Variants in PCDHB15 observed in about 807,000 individuals in gnomAD.
PCDHB15 encodes the protein protocadherin beta-15.
For synonymous variants in PCDHB15, 492 were observed against 447.9 expected (o/e 1.10, Z -1.24); for missense variants, 1,032 against 991.7 (o/e 1.04, Z -0.55).
rs537385025 is a variant in PCDHB15, at chr5:141,248,308, T to G, written c.*366T>G. On this transcript the variant is annotated 3_prime_UTR_variant, in exon 1 of 1. Coordinates refer to ENST00000231173, the MANE Select transcript of PCDHB15 (RefSeq NM_018935.4). The stretch of plus-strand genomic sequence containing the variant: ...GTCATATTTTAAGTTTTTTTTATAG[T>G]TTTTCTTATTCACACAGCTTGACTT... The G allele has an allele frequency of 4.7e-5, 8 of 168,526 alleles. No individual in the cohort carries two copies. The East Asian group carries it at 1.3e-3, about 28-fold the overall frequency. 10.4% of individuals were successfully genotyped at this position (168,526 alleles called of 1,614,324 possible).
chr5:141,246,196 C>T lies in PCDHB15; in HGVS notation c.618C>T (p.Ala206=), dbSNP rs1554291860. ...CAGAACTGGATCGCGAGGAGCAGGC[C>T]GAGCTCAGATTAACCTTGACAGCGG... is the stretch of plus-strand genomic sequence containing the variant. ...LDTELDREEQ[A]ELRLTLTAVD... The change falls in exon 1 of 1, where the codon GCC becomes GCT. Residue 206 remains alanine, a synonymous_variant. Transcript: ENST00000231173. The T allele has an allele frequency of 5.0e-6, 8 of 1,614,178 alleles. No individual in the cohort carries two copies. The highest frequency in any genetic ancestry group is 6.8e-6 in the Non-Finnish European group (8 of 1,180,036).
Position 141,245,865 on chromosome 5 carries a change from G to A in PCDHB15, c.287G>A (p.Cys96Tyr). 1 of 1,614,190 alleles carries A rather than the reference G, an allele frequency of 6.2e-7. No homozygotes were observed. Among genetic ancestry groups the A allele is most frequent in the Non-Finnish European group, 8.5e-7 (1 of 1,180,036 alleles). Residue 96 changes from cysteine (C) to tyrosine (Y), a missense_variant, in exon 1 of 1, where the codon TGT (cysteine) becomes TAT (tyrosine). Cys to Tyr is a radical substitution (Grantham distance 194). Transcript: ENST00000231173. ...GAGAAGCTGGACCGGGAGAAGCTGT[G>A]TGGCCCTACTGAGCCCTGTATAATG... ...LNEKLDREKL[C>Y]GPTEPCIMHF...
chr5:141,246,632 C>T lies in PCDHB15; in HGVS notation c.1054C>T (p.Leu352Phe), dbSNP rs1444243301. Residue 352 changes from leucine (L) to phenylalanine (F), a missense_variant, in exon 1 of 1, where the codon CTT becomes TTT. Leu to Phe is a conservative substitution (Grantham distance 22). Transcript: ENST00000231173. Reference protein sequence around the residue: ...DNFPELSISSLTSPIPENSPE... With the variant: ...DNFPELSISSFTSPIPENSPE... ...CTTCCCGGAACTAAGTATTTCATCA[C>T]TTACCAGCCCTATTCCCGAGAATTC... is the stretch of plus-strand genomic sequence containing the variant. 1 of 1,614,064 alleles carries T rather than the reference C, an allele frequency of 6.2e-7. No individual in the cohort carries two copies. The highest frequency in any genetic ancestry group is 2.2e-5 in the East Asian group (1 of 44,896).
rs782404742 is a variant in PCDHB15, at chr5:141,247,216, G to C, written c.1638G>C (p.Leu546=). 6.2e-7 allele frequency: 1 copy of C among 1,612,154 alleles called. No homozygotes were observed. The highest frequency in any genetic ancestry group is 1.1e-5 in the South Asian group (1 of 90,978). ...RGFPALSSEA[L]VRVLVLDAND... is the part of the protein sequence containing the mutation. ...TCCCGGCGCTGAGCAGCGAGGCGCT[G>C]GTGCGAGTGCTGGTGCTGGACGCCA... is the stretch of plus-strand genomic sequence containing the variant. The change falls in exon 1 of 1, where the codon CTG becomes CTC. Residue 546 remains leucine (L), a synonymous_variant. Transcript: ENST00000231173.
chr5:141,245,469 A>T lies in PCDHB15; in HGVS notation c.-110A>T. ...TGTCTCCGGAGAATGCTATTCTCCT[A>T]CATTTCCGAACAGGTTATCAACGCA... is the stretch of plus-strand genomic sequence containing the variant. On this transcript the variant is annotated 5_prime_UTR_variant, in exon 1 of 1. Coordinates refer to ENST00000231173, the MANE Select transcript of PCDHB15 (RefSeq NM_018935.4). 1.1e-6 allele frequency: 1 copy of T among 894,444 alleles called. No homozygotes were observed. The highest frequency in any genetic ancestry group is 1.7e-6 in the Non-Finnish European group (1 of 587,294). 55.4% of individuals were successfully genotyped at this position (894,444 alleles called of 1,614,324 possible).
Position 141,246,920 on chromosome 5 carries a change from G to T in PCDHB15, c.1342G>T (p.Ala448Ser), listed in dbSNP as rs199965909. The T allele has an allele frequency of 5.0e-5, 80 of 1,613,326 alleles. No homozygotes were observed. In the Middle Eastern group the frequency reaches 7.1e-4, roughly 14 times the overall value. ...GCTGGTGTCGGACGTCAATGACAAC[G>T]CCCCCGCCTTCACCCAAACCTCCTA... ...TVLVSDVNDN[A>S]PAFTQTSYTL... Residue 448 changes from alanine to serine, a missense_variant, in exon 1 of 1, where the codon GCC (alanine) becomes TCC (serine). Transcript: ENST00000231173.
rs782734313 is a variant in PCDHB15, at chr5:141,247,786, G to T, written c.2208G>T (p.Leu736=). Residue 736 remains leucine, a synonymous_variant, in exon 1 of 1, where the codon CTG becomes CTT. Coordinates refer to ENST00000231173, the MANE Select transcript of PCDHB15 (RefSeq NM_018935.4). ...SVPEGPFPGH[L]VDVSGTGTLS... ...CCGAGGGCCCCTTTCCAGGGCATCT[G>T]GTGGACGTGAGCGGCACCGGGACCC... is the stretch of plus-strand genomic sequence containing the variant. The T allele has an allele frequency of 3.1e-6, 5 of 1,614,244 alleles. No homozygotes were observed. Among genetic ancestry groups the T allele is most frequent in the Middle Eastern group, 3.3e-4 (2 of 6,062 alleles).
Position 141,246,854 on chromosome 5 carries a change from T to G in PCDHB15, c.1276T>G (p.Leu426Val), listed in dbSNP as rs138986596. 6.2e-7 allele frequency: 1 copy of G among 1,614,082 alleles called. No homozygotes were observed. The highest frequency in any genetic ancestry group is 8.5e-7 in the Non-Finnish European group (1 of 1,180,024). Residue 426 changes from leucine to valine, a missense_variant, in exon 1 of 1, where the codon TTG (leucine) becomes GTG (valine). Coordinates refer to ENST00000231173, the MANE Select transcript of PCDHB15 (RefSeq NM_018935.4). Reference sequence around the variant, plus strand: ...CAACATCACCATCACCATCACAGACTTGGGGACTCCAAGGCTGAAAACCGA... The same window carrying G: ...CAACATCACCATCACCATCACAGACGTGGGGACTCCAAGGCTGAAAACCGA... ...EYNITITITD[L>V]GTPRLKTEQS...
chr5:141,248,291 T>A lies in PCDHB15; in HGVS notation c.*349T>A, dbSNP rs1755330246. The A allele has an allele frequency of 5.8e-6, 1 of 172,210 alleles. No individual in the cohort carries two copies. Among genetic ancestry groups the A allele is most frequent in the Admixed American group, 6.5e-5 (1 of 15,416 alleles). 10.7% of individuals were successfully genotyped at this position (172,210 alleles called of 1,614,324 possible). ...AATGTATGATTTTTGAAGTCATATT[T>A]TAAGTTTTTTTTATAGTTTTTCTTA... On this transcript the variant is annotated 3_prime_UTR_variant, in exon 1 of 1. Coordinates refer to ENST00000231173, the MANE Select transcript of PCDHB15 (RefSeq NM_018935.4).
At position 141,246,528 on chromosome 5, in the gene PCDHB15, T is replaced by C. The variant is rs1755266120; in HGVS notation, c.950T>C (p.Leu317Pro). ...TTTGAGACAATGTCTTCGTATGATC[T>C]AGATATAGAGGCATCTGATGGCGGG... ...LDFETMSSYD[L>P]DIEASDGGGL... Residue 317 changes from leucine to proline, a missense_variant, in exon 1 of 1, where the codon CTA becomes CCA. Coordinates refer to ENST00000231173, the MANE Select transcript of PCDHB15 (RefSeq NM_018935.4). 1 of 1,614,208 alleles carries C rather than the reference T, an allele frequency of 6.2e-7. No individual in the cohort carries two copies. Among genetic ancestry groups the C allele is most frequent in the Non-Finnish European group, 8.5e-7 (1 of 1,180,016 alleles).
In PCDHB15 at chr5:141,247,286, G is replaced by A; in HGVS notation, c.1708G>A (p.Ala570Thr). Residue 570 changes from alanine (A) to threonine (T), a missense_variant, in exon 1 of 1, where the codon GCG becomes ACG. By Grantham distance (58) the Ala-to-Thr change is moderately conservative. Coordinates refer to ENST00000231173, the MANE Select transcript of PCDHB15 (RefSeq NM_018935.4). Reference protein sequence around the residue: ...FVLYPLQNGSAPCTELVPRAA... With the variant: ...FVLYPLQNGSTPCTELVPRAA... ...GCTGTACCCGCTGCAGAACGGCTCC[G>A]CGCCCTGCACCGAGCTGGTGCCCCG... 3 of 1,609,978 alleles carry A rather than the reference G, an allele frequency of 1.9e-6. No individual in the cohort carries two copies. Among genetic ancestry groups the A allele is most frequent in the Admixed American group, 1.7e-5 (1 of 59,964 alleles).
chr5:141,247,418 C>T lies in PCDHB15; in HGVS notation c.1840C>T (p.Leu614=), dbSNP rs2149696062. The T allele has an allele frequency of 6.2e-7, 1 of 1,605,920 alleles. No homozygotes were observed. Among genetic ancestry groups the T allele is most frequent in the South Asian group, 1.1e-5 (1 of 90,922 alleles). ...GCTGCTCAAGGCCACGGAGCCCGGG[C>T]TGTTCGGCGTGTGGGCGCACAATGG... ...YQLLKATEPG[L]FGVWAHNGEV... The change falls in exon 1 of 1, where the codon CTG becomes TTG. Residue 614 remains leucine (L), a synonymous_variant. Transcript: ENST00000231173.
chr5:141,247,323 C>G lies in PCDHB15; in HGVS notation c.1745C>G (p.Pro582Arg). 3 of 1,607,706 alleles carry G rather than the reference C, an allele frequency of 1.9e-6. No homozygotes were observed. The highest frequency in any genetic ancestry group is 1.7e-6 in the Non-Finnish European group (2 of 1,178,524). The change falls in exon 1 of 1, where the codon CCG (proline) becomes CGG (arginine). Residue 582 changes from proline (P) to arginine (R), a missense_variant. Coordinates refer to ENST00000231173, the MANE Select transcript of PCDHB15 (RefSeq NM_018935.4). ...GAGCTGGTGCCCCGGGCGGCCGAGCCGGGCTACCTGGTGACCAAGGTGGTG... is the reference window on the plus strand; with the variant it reads ...GAGCTGGTGCCCCGGGCGGCCGAGCGGGGCTACCTGGTGACCAAGGTGGTG... Reference protein sequence around the residue: ...CTELVPRAAEPGYLVTKVVAV... With the variant: ...CTELVPRAAERGYLVTKVVAV...
rs962672803 is a variant in PCDHB15, at chr5:141,248,711, T to C, written c.*769T>C. The stretch of plus-strand genomic sequence containing the variant: ...GACCAAGTAATGCATCTCCTGCAAT[T>C]TCCTCTTTTCACAGCAGGAAAATCT... On this transcript the variant is annotated 3_prime_UTR_variant, in exon 1 of 1. Coordinates refer to ENST00000231173, the MANE Select transcript of PCDHB15 (RefSeq NM_018935.4). The C allele has an allele frequency of 6.6e-6, 1 of 152,162 alleles. No individual in the cohort carries two copies. Among genetic ancestry groups the C allele is most frequent in the African/African-American group, 2.4e-5 (1 of 41,430 alleles). The allele number at this position is 152,162 out of a possible 1,614,324, so 9.4% of individuals were successfully genotyped here.
chr5:141,246,780 A>G lies in PCDHB15; in HGVS notation c.1202A>G (p.Tyr401Cys), dbSNP rs1307378623. Residue 401 changes from tyrosine (Y) to cysteine (C), a missense_variant, in exon 1 of 1, where the codon TAC becomes TGC. Transcript: ENST00000231173. ...FKLKPSVENF[Y>C]RLVTEGALDR... is the part of the protein sequence containing the mutation. The stretch of plus-strand genomic sequence containing the variant: ...CTAAAACCTTCTGTTGAGAATTTCT[A>G]CAGGCTGGTAACAGAAGGGGCGCTG... 3 of 1,614,130 alleles carry G rather than the reference A, an allele frequency of 1.9e-6. No homozygotes were observed. The East Asian group carries it at 6.7e-5, about 36-fold the overall frequency.
Position 141,247,175 on chromosome 5 carries a change from G to C in PCDHB15, c.1597G>C (p.Ala533Pro). The change falls in exon 1 of 1, where the codon GCC (alanine) becomes CCC (proline). Residue 533 changes from alanine to proline, a missense_variant. Ala to Pro is a conservative substitution (Grantham distance 27, BLOSUM62 -1). Transcript: ENST00000231173. ...GCAGGCTTTCGAGTTCCGCGTGGGC[G>C]CCACAGACCGCGGCTTCCCGGCGCT... ...ALQAFEFRVG[A>P]TDRGFPALSS... is the part of the protein sequence containing the mutation. 2 of 1,613,248 alleles carry C rather than the reference G, an allele frequency of 1.2e-6. No individual in the cohort carries two copies. The highest frequency in any genetic ancestry group is 1.7e-6 in the Non-Finnish European group (2 of 1,179,822).
In PCDHB15 at chr5:141,247,169, G is replaced by T. The variant is rs1449129561; in HGVS notation, c.1591G>T (p.Val531Leu). The T allele has an allele frequency of 3.1e-6, 5 of 1,613,322 alleles. No homozygotes were observed. The highest frequency in any genetic ancestry group is 4.2e-6 in the Non-Finnish European group (5 of 1,179,844). ...GGCCCTGCAGGCTTTCGAGTTCCGC[G>T]TGGGCGCCACAGACCGCGGCTTCCC... is the stretch of plus-strand genomic sequence containing the variant. ...YEALQAFEFR[V>L]GATDRGFPAL... Residue 531 changes from valine to leucine, a missense_variant, in exon 1 of 1, where the codon GTG becomes TTG. Val to Leu is a conservative substitution (Grantham distance 32). Transcript: ENST00000231173.
At position 141,248,046 on chromosome 5, in the gene PCDHB15, A is replaced by T. The variant is rs1322163674; in HGVS notation, c.*104A>T. 6 of 1,072,074 alleles carry T rather than the reference A, an allele frequency of 5.6e-6. No individual in the cohort carries two copies. The highest frequency in any genetic ancestry group is 3.2e-5 in the Admixed American group (1 of 31,626). The allele number at this position is 1,072,074 out of a possible 1,614,324, so 66.4% of individuals were successfully genotyped here. ...GTAATCTTGAATTCTACTTTTTTTTAAATTTCTACTGTTGTCTTTAGTAAT... is the reference window on the plus strand; with the variant it reads ...GTAATCTTGAATTCTACTTTTTTTTTAATTTCTACTGTTGTCTTTAGTAAT... On this transcript the variant is annotated 3_prime_UTR_variant, in exon 1 of 1. Transcript: ENST00000231173.
chr5:141,247,282 C>T lies in PCDHB15; in HGVS notation c.1704C>T (p.Gly568=). 1 of 1,610,392 alleles carries T rather than the reference C, an allele frequency of 6.2e-7. No individual in the cohort carries two copies. Among genetic ancestry groups the T allele is most frequent in the Non-Finnish European group, 8.5e-7 (1 of 1,179,380 alleles). Residue 568 remains glycine (G), a synonymous_variant, in exon 1 of 1, where the codon GGC becomes GGT. Coordinates refer to ENST00000231173, the MANE Select transcript of PCDHB15 (RefSeq NM_018935.4). ...TCGTGCTGTACCCGCTGCAGAACGG[C>T]TCCGCGCCCTGCACCGAGCTGGTGC... ...SPFVLYPLQN[G]SAPCTELVPR... is the part of the protein sequence containing the mutation.
Sources: allele counts gnomAD v4.1 joint callset, GRCh38; gene constraint gnomAD v4.1.1; transcripts MANE v1.5; gene names NCBI Gene and HGNC (gene_info 2026-07-23, HGNC 2026-07-21).